KIF25: variants seen among roughly 807,000 people sequenced by gnomAD.
KIF25 encodes kinesin-like protein KIF25.
In KIF25, 19 loss-of-function variants were observed where a neutral mutation model predicts 32.9. The ratio of observed to expected loss-of-function variants is 0.58; its 90% CI spans 0.40 to 0.85. The LOEUF (loss-of-function observed/expected upper bound fraction) is 0.85. Ranked by LOEUF, KIF25 falls within the 40% of genes least tolerant of loss-of-function variation. The pLI, the probability that KIF25 is intolerant of heterozygous loss-of-function variation, is 0.00. For synonymous variants in KIF25, 225 were observed against 213.7 expected (o/e 1.05, Z -0.46); for missense variants, 485 against 507.0 (o/e 0.96, Z 0.42).
At chr6:168,018,474 T>A (rs2114882437) in intron 5 of KIF25, among the ~76,000 whole-genome samples, 1 of 152,242 alleles carries the variant, frequency 6.6e-6, no homozygotes, top group East Asian at 1.9e-4. Context: ...ACAATGGGTT[T>A]CTCAGGTCAC....
At chr6:168,020,095 C>A (rs1320366028) in intron 5 of KIF25, among the ~76,000 whole-genome samples, 1 of 151,854 alleles carries the variant, frequency 6.6e-6, no homozygotes, top group Admixed American at 6.6e-5. Flanking sequence ...TGTGCCACTG[C>A]ACTCCAGCCT....
At position 168,042,143 on chromosome 6, in the gene KIF25, A is replaced by C. The variant is rs752520655; in HGVS notation, c.821A>C (p.Glu274Ala). ...CAGCTCGTGGACTCGGCCGGCAGCG[A>C]GTGCGTTGGTGAGCAGGGGCAGGCA... is the stretch of plus-strand genomic sequence containing the variant. ...RLQLVDSAGS[E>A]CVGVSGVTGL... is the part of the protein sequence containing the mutation. The change falls in exon 11 of 13, where the codon GAG becomes GCG. Residue 274 changes from glutamate (E) to alanine (A), a missense_variant. Coordinates refer to ENST00000643607, the MANE Select transcript of KIF25 (RefSeq NM_030615.4). 11 of 1,549,048 alleles carry C rather than the reference A, an allele frequency of 7.1e-6. No homozygotes were observed. In the South Asian group the frequency reaches 1.3e-4, roughly 18 times the overall value.
chr6:168,029,377 A>T, intron 5 of KIF25, 115 bp from the exon 6 acceptor site: 2 of 675,824 alleles, frequency 3.0e-6, no homozygotes, highest in Non-Finnish European at 4.6e-6. Context: ...ACTTAACTAG[A>T]CAATTAAGGA....
At position 168,001,858 on chromosome 6, in the gene KIF25, G is replaced by C. The variant is rs113164864; in HGVS notation, c.-369-685G>C. Among the ~76,000 whole-genome samples, 143 of 70,422 alleles carry C rather than the reference G, an allele frequency of 2.0e-3. 2 individuals are homozygous for C. The highest frequency in any genetic ancestry group is 8.6e-3 in the African/African-American group (134 of 15,664). 46.2% of individuals were successfully genotyped at this position (70,422 alleles called of 152,430 possible). On this transcript the variant is annotated intron_variant, in intron 2 of 12. Coordinates refer to ENST00000643607, the MANE Select transcript of KIF25 (RefSeq NM_030615.4). ...AGAAGACACCTTCAGGCGTAGCCTC[G>C]GGCAGGTGAGAAAGACACCTGAGGC... is the stretch of plus-strand genomic sequence containing the variant.
At chr6:168,035,279 G>C (rs1329676386) in intron 8 of KIF25, among the ~76,000 whole-genome samples, 1 of 151,320 alleles carries the variant, frequency 6.6e-6, no homozygotes, top group Non-Finnish European at 1.5e-5. Context: ...GCGTGCTTCC[G>C]AGGCCGTTTC....
intron 4 of KIF25, among the ~76,000 whole-genome samples, chr6:168,005,501 C>A (rs1798568090): frequency 6.6e-6 from 1 of 152,146 alleles, no homozygotes; most frequent in Non-Finnish European, 1.5e-5. Context: ...TGCTCAGCTT[C>A]GACCCTGTAT....
intron 6 of KIF25, 61 bp downstream of exon 6, chr6:168,029,738 G>C (rs1232939906): frequency 9.7e-6 from 15 of 1,543,988 alleles, no homozygotes; most frequent in Non-Finnish European, 1.3e-5. Flanking sequence ...TGTGCACATG[G>C]GGCTCACTTT....
intron 12 of KIF25, 78 bp from the exon 13 acceptor site, chr6:168,044,749 G>T: frequency 7.0e-7 from 1 of 1,424,788 alleles, no homozygotes; most frequent in Non-Finnish European, 9.4e-7. Flanking sequence ...GCCCATCTCG[G>T]GCCCTGGTTG....
rs1437531076 is a variant in KIF25 at position 168,016,221 on chromosome 6, T to C, written c.-162-1752T>C. 3.9e-5 allele frequency among the ~76,000 whole-genome samples: 6 copies of C among 152,032 alleles called. No homozygotes were observed. The East Asian group carries it at 1.2e-3, about 29-fold the overall frequency. ...GAGTTTTGCTTCGGTGTTTTGAGCG[T>C]GAAGGGAACTGAAGAGCTGCTTCTG... On this transcript the variant is annotated intron_variant, in intron 4 of 12. Transcript: ENST00000643607.
intron 5 of KIF25, among the ~76,000 whole-genome samples, chr6:168,022,769 T>G (rs866063128): frequency 0.013 from 941 of 74,926 alleles, 14 homozygotes; most frequent in African/African-American, 0.042. Context: ...GTTGTTGTTG[T>G]TTTTTTTTTT....
Position 168,011,465 on chromosome 6 carries a change from TATA to T in KIF25, c.-162-6504_-162-6502del, listed in dbSNP as rs146239753. On this transcript the variant is annotated intron_variant, in intron 4 of 12. Transcript: ENST00000643607. Reference sequence around the variant, plus strand: ...ATTTCTGAAGGATAGCTTTGCTGGGTATAATATTATTGGCTGAATTATTTTTTT... The same window carrying T: ...ATTTCTGAAGGATAGCTTTGCTGGGTATATTATTGGCTGAATTATTTTTTT... Among the ~76,000 whole-genome samples, 360 of 152,362 alleles carry T rather than the reference TATA, an allele frequency of 2.4e-3. 1 individual carries two copies. The highest frequency in any genetic ancestry group is 8.2e-3 in the African/African-American group (340 of 41,590).
intron 5 of KIF25, among the ~76,000 whole-genome samples, chr6:168,027,231 T>C (rs928132893): frequency 6.6e-6 from 1 of 152,064 alleles, no homozygotes; most frequent in African/African-American, 2.4e-5. Context: ...GGCGGGCAGA[T>C]TGCCTGAACT....
At chr6:168,028,759 A>T (rs930563922) in intron 5 of KIF25, among the ~76,000 whole-genome samples, 1 of 152,202 alleles carries the variant, frequency 6.6e-6, no homozygotes, top group Admixed American at 6.5e-5. Context: ...GAGTTTAATC[A>T]TGTATTTTCA....
intron 6 of KIF25, 148 bp downstream of exon 6, chr6:168,029,825 C>A: frequency 1.0e-6 from 1 of 994,940 alleles, no homozygotes; most frequent in Non-Finnish European, 1.5e-6. Context: ...TGAGCATCTT[C>A]CCACACAGTG....
chr6:168,005,228 C>A (rs557040702), intron 4 of KIF25, among the ~76,000 whole-genome samples: 83 of 152,256 alleles, frequency 5.5e-4, no homozygotes, highest in African/African-American at 1.9e-3. Context: ...GGGGGGCAAA[C>A]CTTCTCCTCT....
Position 168,042,250 on chromosome 6 carries a change from C to T in KIF25, c.829+99C>T, listed in dbSNP as rs151246487. On this transcript the variant is annotated intron_variant, in intron 11 of 12. Coordinates refer to ENST00000643607, the MANE Select transcript of KIF25 (RefSeq NM_030615.4). Reference sequence around the variant, plus strand: ...ACCAGGCAGCCCGGGAAGCTCTGGGCGAGCCAGGCATTTCCCCCTCCACAG... The same window carrying T: ...ACCAGGCAGCCCGGGAAGCTCTGGGTGAGCCAGGCATTTCCCCCTCCACAG... 2.3e-3 allele frequency: 2,895 copies of T among 1,265,660 alleles called. 29 individuals are homozygous for T. The highest frequency in any genetic ancestry group is 0.018 in the South Asian group (1,206 of 67,554). The allele number at this position is 1,265,660 out of a possible 1,614,324, so 78.4% of individuals were successfully genotyped here.
chr6:168,033,914 C>T lies in KIF25; in HGVS notation c.200C>T (p.Thr67Met), dbSNP rs555007229. The T allele has an allele frequency of 5.6e-6, 9 of 1,614,156 alleles. No homozygotes were observed. Among genetic ancestry groups the T allele is most frequent in the East Asian group, 4.5e-5 (2 of 44,888 alleles). The change falls in exon 8 of 13, where the codon ACG becomes ATG. Residue 67 changes from threonine to methionine, a missense_variant. Thr to Met is a moderately conservative substitution (Grantham distance 81, BLOSUM62 -1). This residue lies in a region of KIF25 where 480 missense variants were observed against 470.3 expected (regional missense o/e 1.02). Transcript: ENST00000643607. ...GTTTGTGTTATGGCGTATGGACAGA[C>T]GGGCAGCGGAAAGAGCTATACCATG... Reference protein sequence around the residue: ...YNVCVMAYGQTGSGKSYTMLG... With the variant: ...YNVCVMAYGQMGSGKSYTMLG...
chr6:168,028,647 TG>T (rs377539313), intron 5 of KIF25, among the ~76,000 whole-genome samples: 1 of 152,168 alleles, frequency 6.6e-6, no homozygotes. Flanking sequence ...TATAGTATTT[TG>T]GGGGGGATTG....
At chr6:168,010,325 T>G (rs1283935443) in intron 4 of KIF25, among the ~76,000 whole-genome samples, 1 of 152,150 alleles carries the variant, frequency 6.6e-6, no homozygotes, top group East Asian at 1.9e-4. Flanking sequence ...ATGATATATT[T>G]CTATTTTAAT....
Sources: allele counts gnomAD v4.1 joint callset (sites outside exome capture counted in the v4.1 genomes callset), GRCh38; gene constraint gnomAD v4.1.1; regional missense constraint gnomAD v4.1.1; transcripts MANE v1.5; gene names NCBI Gene and HGNC (gene_info 2026-07-23, HGNC 2026-07-21).